Variants in ANKRD11 observed in about 807,000 individuals in gnomAD.
The protein encoded by ANKRD11 is ankyrin repeat domain 11, also known as ankyrin repeat domain-containing protein 11.
Under a neutral mutation model 195.7 loss-of-function variants are expected in ANKRD11, and 17 were observed. That is an observed-to-expected ratio of 0.09 (90% CI 0.06 to 0.13). The LOEUF (loss-of-function observed/expected upper bound fraction) is 0.13, where lower values mean the gene tolerates loss of function less well. Ranked by LOEUF, ANKRD11 falls within the 10% of genes least tolerant of loss-of-function variation. The probability of loss-of-function intolerance (pLI) is 1.00; values close to 1 mark genes in which losing one functional copy is unlikely to be tolerated. For synonymous variants in ANKRD11, 1,953 were observed against 1,528.1 expected (o/e 1.28, Z -6.49); for missense variants, 3,735 against 3,566.1 (o/e 1.05, Z -1.21).
At chr16:89,425,695 T>C (rs1567787290) in intron 1 of ANKRD11, among the ~76,000 whole-genome samples, 1 of 152,216 alleles carries the variant, frequency 6.6e-6, no homozygotes, top group Non-Finnish European at 1.5e-5. Context: ...ATTTGTTTCC[T>C]GTTTCTGGTG....
chr16:89,280,267 A>T lies in ANKRD11; in HGVS notation c.6275T>A (p.Val2092Glu). 2 of 1,608,754 alleles carry T rather than the reference A, an allele frequency of 1.2e-6. No homozygotes were observed. Among genetic ancestry groups the T allele is most frequent in the Non-Finnish European group, 1.7e-6 (2 of 1,179,206 alleles). The change falls in exon 9 of 13, where the codon GTG (valine) becomes GAG (glutamate). Residue 2092 changes from valine (V) to glutamate (E), a missense_variant. Physicochemically the swap from Val to Glu is moderately radical, Grantham distance 121. Coordinates refer to ENST00000301030, the MANE Select transcript of ANKRD11 (RefSeq NM_013275.6). ...ATTTTCCAGGGGCCCCAGAGCCTCC[A>T]CCTGAGCCACAGCGGCTACACAGGC... Reference protein sequence around the residue: ...EPACVAAVAQVEALGPLENSF... With the variant: ...EPACVAAVAQEEALGPLENSF...
At chr16:89,300,159 G>C (rs965955751) in intron 4 of ANKRD11, 2 of 199,018 alleles carry the variant, frequency 1.0e-5, no homozygotes, top group African/African-American at 2.7e-5. Flanking sequence ...GCCCTGTGTG[G>C]GGTGCGTGGG....
At chr16:89,465,627 C>A (rs906400208) in intron 1 of ANKRD11, among the ~76,000 whole-genome samples, 1 of 152,212 alleles carries the variant, frequency 6.6e-6, no homozygotes. Context: ...CACCAGCACA[C>A]GACTCCCATG....
At chr16:89,335,474 C>T (rs771228838) in intron 2 of ANKRD11, among the ~76,000 whole-genome samples, 13 of 152,202 alleles carry the variant, frequency 8.5e-5, no homozygotes, top group South Asian at 2.1e-4. Flanking sequence ...GCACGCAGTA[C>T]GCAGTGGGTT....
chr16:89,426,023 G>C (rs2042702119), intron 1 of ANKRD11, among the ~76,000 whole-genome samples: 1 of 152,104 alleles, frequency 6.6e-6, no homozygotes, highest in Non-Finnish European at 1.5e-5. Context: ...TTTCCATAAT[G>C]CCTGCCCTGA....
chr16:89,401,182 C>A (rs1270938147), intron 2 of ANKRD11, among the ~76,000 whole-genome samples: 2 of 150,046 alleles, frequency 1.3e-5, no homozygotes, highest in Non-Finnish European at 3.0e-5. Flanking sequence ...CAACCTCTGC[C>A]TCCCAAGTTC....
At chr16:89,477,027 T>C (rs2057281689) in intron 1 of ANKRD11, among the ~76,000 whole-genome samples, 1 of 152,190 alleles carries the variant, frequency 6.6e-6, no homozygotes, top group South Asian at 2.1e-4. Flanking sequence ...ACCGTGAGCA[T>C]CTATTAATAA....
intron 2 of ANKRD11, chr16:89,323,147 T>A (rs886398280): frequency 2.7e-6 from 1 of 373,348 alleles, no homozygotes; most frequent in African/African-American, 2.2e-5. Context: ...AGAAGCACGG[T>A]CTCCAGCGGC....
chr16:89,295,618 G>C (rs2035364286), intron 4 of ANKRD11, among the ~76,000 whole-genome samples: 1 of 152,176 alleles, frequency 6.6e-6, no homozygotes, highest in Non-Finnish European at 1.5e-5. Context: ...GCTTTTGGGA[G>C]CTGGAGCCCA....
At chr16:89,428,662 G>A (rs370029646) in intron 1 of ANKRD11, among the ~76,000 whole-genome samples, 4 of 151,836 alleles carry the variant, frequency 2.6e-5, no homozygotes, top group East Asian at 1.9e-4. Context: ...TTGGGAGGCC[G>A]AAGTGGATGG....
chr16:89,452,160 C>T (rs544450186), intron 1 of ANKRD11, among the ~76,000 whole-genome samples: 2 of 152,002 alleles, frequency 1.3e-5, no homozygotes, highest in African/African-American at 4.8e-5. Flanking sequence ...CGGGAGGCTG[C>T]AGCAGGAGAA....
At chr16:89,423,904 A>G (rs1004302247) in intron 1 of ANKRD11, among the ~76,000 whole-genome samples, 1 of 152,328 alleles carries the variant, frequency 6.6e-6, no homozygotes, top group African/African-American at 2.4e-5. Context: ...AAATGGGAAG[A>G]AAGTTTCAGT....
intron 4 of ANKRD11, among the ~76,000 whole-genome samples, chr16:89,303,943 T>C (rs1483606222): frequency 1.3e-5 from 2 of 152,168 alleles, no homozygotes; most frequent in Non-Finnish European, 2.9e-5. Flanking sequence ...CTACGCCTTG[T>C]GCTATGGCTG....
At position 89,282,198 on chromosome 16, in the gene ANKRD11, A is replaced by G. The variant is rs61744778; in HGVS notation, c.4344T>C (p.Tyr1448=). 0.033 allele frequency: 52,504 copies of G among 1,614,018 alleles called. 987 individuals carry two copies. The highest frequency in any genetic ancestry group is 0.041 in the Middle Eastern group (249 of 6,060). ...SKKIEKELKP[Y]GSSAINILKE... The stretch of plus-strand genomic sequence containing the variant: ...TTAGGATGTTGATGGCACTAGATCC[A>G]TAAGGCTTTAGTTCCTTTTCTATTT... Residue 1448 remains tyrosine, a synonymous_variant, in exon 9 of 13, where the codon TAT becomes TAC. Coordinates refer to ENST00000301030, the MANE Select transcript of ANKRD11 (RefSeq NM_013275.6).
chr16:89,352,005 G>A (rs555448871), intron 2 of ANKRD11, among the ~76,000 whole-genome samples: 10 of 152,260 alleles, frequency 6.6e-5, no homozygotes, highest in East Asian at 1.9e-4. Flanking sequence ...CTGCCTCCCA[G>A]GTTCAAGCAA....
chr16:89,275,292 C>T, intron 9 of ANKRD11, 101 bp from the exon 10 acceptor site: 1 of 992,792 alleles, frequency 1.0e-6, no homozygotes, highest in South Asian at 1.5e-5. Context: ...CCTCCCCACT[C>T]CTAGGAGCCT....
intron 2 of ANKRD11, chr16:89,323,998 AC>A: frequency 4.5e-6 from 1 of 223,740 alleles, no homozygotes; most frequent in Non-Finnish European, 9.0e-6. Flanking sequence ...TTCAAACCAA[AC>A]CCCCAGTGTG....
At chr16:89,441,793 A>AC (rs2043514849) in intron 1 of ANKRD11, among the ~76,000 whole-genome samples, 1 of 141,848 alleles carries the variant, frequency 7.0e-6, no homozygotes, top group African/African-American at 2.6e-5. Flanking sequence ...AAAAAAAAAA[A>AC]CGCAAACCTG....
chr16:89,468,799 G>A (rs2056969333), intron 1 of ANKRD11, among the ~76,000 whole-genome samples: 1 of 152,190 alleles, frequency 6.6e-6, no homozygotes, highest in Admixed American at 6.5e-5. Context: ...CAGCCTGCTG[G>A]ATGTTGAAAC....
Sources: allele counts gnomAD v4.1 joint callset (sites outside exome capture counted in the v4.1 genomes callset), GRCh38; gene constraint gnomAD v4.1.1; transcripts MANE v1.5; gene names NCBI Gene and HGNC (gene_info 2026-07-23, HGNC 2026-07-21).